The following MAP6 variants were observed in gnomAD, a reference collection of about 807,000 sequenced individuals.
MAP6 encodes the protein microtubule associated protein 6.
A neutral mutation model predicts 42.4 loss-of-function variants in MAP6; 26 were observed. The observed-to-expected ratio is 0.61, with a 90% CI of 0.45 to 0.85. The LOEUF (loss-of-function observed/expected upper bound fraction) is 0.85, where lower values mean the gene tolerates loss of function less well. MAP6 is among the 40% of genes least tolerant of loss of function. MAP6 has a pLI of 0.00. For missense variants in MAP6, 966 were observed against 1,099.0 expected (o/e 0.88, Z 1.71); for synonymous variants, 418 against 443.8 (o/e 0.94, Z 0.73).
intron 3 of MAP6, chr11:75,603,728 A>C: frequency 2.0e-6 from 2 of 985,296 alleles, no homozygotes; most frequent in Non-Finnish European, 2.4e-6. Flanking sequence ...AGATTTCTTT[A>C]TACTGCCCAC....
At chr11:75,606,088 T>C (rs1460702785) in intron 2 of MAP6, 84 bp from the exon 3 acceptor site, 5 of 1,506,158 alleles carry the variant, frequency 3.3e-6, no homozygotes, top group Non-Finnish European at 4.5e-6. Flanking sequence ...ATATGGTTAA[T>C]TAAGGAATGA....
At chr11:75,603,437 C>T (rs1418303057) in intron 3 of MAP6, 2 of 985,464 alleles carry the variant, frequency 2.0e-6, no homozygotes, top group Middle Eastern at 5.2e-4. Flanking sequence ...AGTCTCTTGC[C>T]AGTAAAGTGA....
rs1565250115 is a variant in MAP6, at chr11:75,587,631, G to A, written c.1870C>T (p.Pro624Ser). 1.2e-6 allele frequency: 2 copies of A among 1,613,968 alleles called. No individual in the cohort carries two copies. The highest frequency in any genetic ancestry group is 8.5e-7 in the Non-Finnish European group (1 of 1,179,980). ...ACCATGGGACCTTCATCCTTGACAG[G>A]TGCTGGGACTATGGGACCTTCACCC... ...VKGEGPIVPA[P>S]VKDEGPMVSA... Residue 624 changes from proline (P) to serine (S), a missense_variant, in exon 4 of 4, where the codon CCT becomes TCT. Pro to Ser is a moderately conservative substitution (Grantham distance 74). Coordinates refer to ENST00000304771, the MANE Select transcript of MAP6 (RefSeq NM_033063.2).
At chr11:75,621,120 G>A (rs1446204788) in intron 1 of MAP6, among the ~76,000 whole-genome samples, 1 of 148,996 alleles carries the variant, frequency 6.7e-6, no homozygotes, top group African/African-American at 2.5e-5. Context: ...GACAGAGTGA[G>A]ACTCCATCTC....
chr11:75,609,871 C>A (rs1028722935), intron 1 of MAP6, among the ~76,000 whole-genome samples: 1 of 152,172 alleles, frequency 6.6e-6, no homozygotes, highest in East Asian at 1.9e-4. Context: ...CACGTTGAAA[C>A]TTCATCCCCA....
rs150891446 is a variant in MAP6 at position 75,653,290 on chromosome 11, C to T, written c.905+14175G>A. Among the ~76,000 whole-genome samples, 662 of 152,330 alleles carry T rather than the reference C, an allele frequency of 4.3e-3. 6 individuals carry two copies. Among genetic ancestry groups the T allele is most frequent in the Middle Eastern group, 0.017 (5 of 294 alleles). ...AAGCTGAATGGACTTTCTTGTACATCCCTGAAAAATCATGTGAAATATACC... is the reference window on the plus strand; with the variant it reads ...AAGCTGAATGGACTTTCTTGTACATTCCTGAAAAATCATGTGAAATATACC... On this transcript the variant is annotated intron_variant, in intron 1 of 3. Coordinates refer to ENST00000304771, the MANE Select transcript of MAP6 (RefSeq NM_033063.2).
chr11:75,663,052 C>T (rs929737236), intron 1 of MAP6, among the ~76,000 whole-genome samples: 1 of 151,888 alleles, frequency 6.6e-6, no homozygotes, highest in Non-Finnish European at 1.5e-5. Flanking sequence ...ACCTCCGCCT[C>T]CCAGGTTCAA....
At chr11:75,621,897 C>A (rs1943117920) in intron 1 of MAP6, among the ~76,000 whole-genome samples, 1 of 152,010 alleles carries the variant, frequency 6.6e-6, no homozygotes, top group East Asian at 1.9e-4. Flanking sequence ...GTGGTGGGTG[C>A]CTGTAATCCC....
chr11:75,599,217 C>T (rs1341890980), intron 3 of MAP6, among the ~76,000 whole-genome samples: 1 of 152,106 alleles, frequency 6.6e-6, no homozygotes, highest in Non-Finnish European at 1.5e-5. Context: ...GTTCTGGGGC[C>T]ATCTGTCGAG....
chr11:75,627,729 C>T (rs966941251), intron 1 of MAP6, among the ~76,000 whole-genome samples: 2 of 152,118 alleles, frequency 1.3e-5, no homozygotes, highest in African/African-American at 2.4e-5. Context: ...TTATCATCCT[C>T]GTTTTACAGA....
chr11:75,588,929 C>G (rs1452028230), intron 3 of MAP6, among the ~76,000 whole-genome samples: 3 of 152,174 alleles, frequency 2.0e-5, no homozygotes, highest in African/African-American at 7.2e-5. Context: ...GTGATCCTCC[C>G]ACCTCAGCCT....
chr11:75,636,338 CAA>C (rs1312621600), intron 1 of MAP6: 1 of 152,124 alleles, frequency 6.6e-6, no homozygotes, highest in Non-Finnish European at 1.5e-5. Flanking sequence ...TATGCCAGAA[CAA>C]GAATACTTGA....
intron 1 of MAP6, among the ~76,000 whole-genome samples, chr11:75,628,910 A>C (rs1017734224): frequency 6.6e-6 from 1 of 152,160 alleles, no homozygotes; most frequent in African/African-American, 2.4e-5. Flanking sequence ...TTAATAATAG[A>C]TTTGCTTGAT....
At chr11:75,623,965 G>C (rs979043274) in intron 1 of MAP6, among the ~76,000 whole-genome samples, 1 of 152,194 alleles carries the variant, frequency 6.6e-6, no homozygotes, top group Non-Finnish European at 1.5e-5. Flanking sequence ...TCTCACCTGC[G>C]GTGGCCAGAG....
In MAP6 at chr11:75,587,772, C is replaced by T; in HGVS notation, c.1729G>A (p.Val577Ile). ...CCTTCATCCTTGACAGGTGCTGGGACCATAGGAGCTTGATTCTTCACAGGC... is the reference window on the plus strand; with the variant it reads ...CCTTCATCCTTGACAGGTGCTGGGATCATAGGAGCTTGATTCTTCACAGGC... Reference protein sequence around the residue: ...PEPVKNQAPMVPAPVKDEGPM... With the variant: ...PEPVKNQAPMIPAPVKDEGPM... The change falls in exon 4 of 4, where the codon GTC becomes ATC. Residue 577 changes from valine (V) to isoleucine (I), a missense_variant. Val to Ile is a conservative substitution (Grantham distance 29). Coordinates refer to ENST00000304771, the MANE Select transcript of MAP6 (RefSeq NM_033063.2). 1.2e-6 allele frequency: 2 copies of T among 1,613,422 alleles called. No individual in the cohort carries two copies. Among genetic ancestry groups the T allele is most frequent in the Non-Finnish European group, 1.7e-6 (2 of 1,179,480 alleles).
At chr11:75,614,555 G>A (rs1229439012) in intron 1 of MAP6, among the ~76,000 whole-genome samples, 2 of 152,212 alleles carry the variant, frequency 1.3e-5, no homozygotes, top group Non-Finnish European at 2.9e-5. Flanking sequence ...CTTGTGGAGA[G>A]GCCCATGTCG....
At chr11:75,622,567 C>G (rs1943128843) in intron 1 of MAP6, among the ~76,000 whole-genome samples, 3 of 152,182 alleles carry the variant, frequency 2.0e-5, no homozygotes, top group African/African-American at 7.2e-5. Context: ...AGAAATTGAT[C>G]TATAAATTCG....
In MAP6 at chr11:75,667,455, C is replaced by G. The variant is rs1173009052; in HGVS notation, c.905+10G>C. On this transcript the variant is annotated intron_variant, in intron 1 of 3. Transcript: ENST00000304771. The surrounding 1 kb of genome is among the most constrained non-coding windows in gnomAD (Gnocchi z 5.6). ...GTGACTCCCCCGCGCTAGCAGCGGC[C>G]GCGTCTCACCTGTAGGAGCTGCTCA... 1.1e-5 allele frequency: 16 copies of G among 1,473,026 alleles called. No homozygotes were observed. The highest frequency in any genetic ancestry group is 1.3e-5 in the Non-Finnish European group (15 of 1,119,434). The allele number at this position is 1,473,026 out of a possible 1,614,324, so 91.2% of individuals were successfully genotyped here. A position where few individuals can be genotyped will look rare whatever the true frequency, so the allele number is the denominator to read the frequency against.
chr11:75,613,042 G>A (rs949431606), intron 1 of MAP6, among the ~76,000 whole-genome samples: 1 of 152,262 alleles, frequency 6.6e-6, no homozygotes, highest in Middle Eastern at 3.4e-3. Flanking sequence ...GGCATCCTAT[G>A]TCAGGCTGCA....
Sources: allele counts gnomAD v4.1 joint callset (sites outside exome capture counted in the v4.1 genomes callset), GRCh38; gene constraint gnomAD v4.1.1; non-coding constraint Gnocchi (gnomAD v3.1); transcripts MANE v1.5; gene names NCBI Gene and HGNC (gene_info 2026-07-23, HGNC 2026-07-21).